The following MYO3B variants were observed in gnomAD, a reference collection of about 807,000 sequenced individuals.
MYO3B encodes myosin-IIIb.
In MYO3B, 156 loss-of-function variants were observed where a neutral mutation model predicts 174.6. The observed-to-expected ratio is 0.89, with a 90% CI of 0.78 to 1.02. The LOEUF (loss-of-function observed/expected upper bound fraction) is 1.02. Ranked by LOEUF, MYO3B falls within the 50% of genes least tolerant of loss-of-function variation. The probability of loss-of-function intolerance (pLI) is 0.00; values close to 1 mark genes in which losing one functional copy is unlikely to be tolerated. For synonymous variants in MYO3B, 563 were observed against 569.1 expected, an observed-to-expected ratio of 0.99 and a Z score of 0.15; for missense variants, 1,632 against 1,639.4, an observed-to-expected ratio of 1.00 and a Z score of 0.08.
intron 7 of MYO3B, among the ~76,000 whole-genome samples, chr2:170,256,226 C>T (rs1285889408): frequency 1.3e-5 from 2 of 152,066 alleles, no homozygotes; most frequent in Admixed American, 6.5e-5. Flanking sequence ...GGATATAGTC[C>T]ACAAAAATTT....
At chr2:170,508,795 A>C (rs985257591) in intron 28 of MYO3B, among the ~76,000 whole-genome samples, 2 of 152,198 alleles carry the variant, frequency 1.3e-5, no homozygotes, top group Non-Finnish European at 2.9e-5. Flanking sequence ...CTATGCTGCC[A>C]TTTGCCATGT....
At chr2:170,393,951 T>G (rs2094430034) in intron 16 of MYO3B, among the ~76,000 whole-genome samples, 1 of 152,136 alleles carries the variant, frequency 6.6e-6, no homozygotes, top group East Asian at 1.9e-4. Context: ...AAATCAAAGA[T>G]GCATCCCCAG....
intron 32 of MYO3B, among the ~76,000 whole-genome samples, chr2:170,594,485 G>A (rs1694015565): frequency 6.6e-6 from 1 of 152,114 alleles, no homozygotes; most frequent in Non-Finnish European, 1.5e-5. Flanking sequence ...CCTATGTTGG[G>A]TAAACACATT....
Position 170,214,720 on chromosome 2 carries a change from G to C in MYO3B, c.427-9G>C, listed in dbSNP as rs201180436. Reference sequence around the variant, plus strand: ...TCCTGTTGTTTGGTGGTGGTGGGATGCCATGCAGGGCCTTCAGCATTTGCA... The same window carrying C: ...TCCTGTTGTTTGGTGGTGGTGGGATCCCATGCAGGGCCTTCAGCATTTGCA... On this transcript the variant is annotated splice_polypyrimidine_tract_variant and intron_variant, in intron 4 of 34. Coordinates refer to ENST00000408978, the MANE Select transcript of MYO3B (RefSeq NM_138995.5). 1.2e-6 allele frequency: 2 copies of C among 1,611,120 alleles called. No individual in the cohort carries two copies. Among genetic ancestry groups the C allele is most frequent in the Non-Finnish European group, 1.7e-6 (2 of 1,177,374 alleles).
intron 30 of MYO3B, among the ~76,000 whole-genome samples, chr2:170,523,485 G>A (rs1276067616): frequency 6.6e-6 from 1 of 152,022 alleles, no homozygotes; most frequent in Non-Finnish European, 1.5e-5. Context: ...GGTTTGGGGT[G>A]GGCAGAGTAA....
intron 25 of MYO3B, among the ~76,000 whole-genome samples, chr2:170,497,481 T>C (rs988855992): frequency 3.3e-5 from 5 of 151,988 alleles, no homozygotes; most frequent in Non-Finnish European, 7.4e-5. Flanking sequence ...CCGGGCACAG[T>C]GGCGGGCGCC....
intron 30 of MYO3B, among the ~76,000 whole-genome samples, chr2:170,539,149 A>G (rs1032731587): frequency 1.3e-5 from 2 of 152,178 alleles, no homozygotes; most frequent in African/African-American, 2.4e-5. Flanking sequence ...TTGATACAGA[A>G]TAGTCACTTT....
chr2:170,358,027 C>T (rs572690819), intron 8 of MYO3B, among the ~76,000 whole-genome samples: 2 of 151,996 alleles, frequency 1.3e-5, no homozygotes, highest in African/African-American at 4.8e-5. Flanking sequence ...TGGGGAGCGC[C>T]TGTAATCCCA....
At chr2:170,306,146 C>T (rs1274234028) in intron 7 of MYO3B, among the ~76,000 whole-genome samples, 4 of 152,174 alleles carry the variant, frequency 2.6e-5, no homozygotes, top group African/African-American at 9.7e-5. Context: ...CTTGTGGTCT[C>T]TTCAGCGGGA....
intron 29 of MYO3B, among the ~76,000 whole-genome samples, chr2:170,518,230 A>T (rs1688445591): frequency 6.6e-6 from 1 of 152,194 alleles, no homozygotes; most frequent in South Asian, 2.1e-4. Context: ...ACTGATTTCT[A>T]TACTTTTTAT....
At chr2:170,188,097 C>T (rs955801278) in intron 1 of MYO3B, among the ~76,000 whole-genome samples, 4 of 152,066 alleles carry the variant, frequency 2.6e-5, no homozygotes, top group Non-Finnish European at 5.9e-5. Context: ...TTATTGGAGC[C>T]TCTCTTTAGC....
chr2:170,259,269 A>C (rs559492980), intron 7 of MYO3B, among the ~76,000 whole-genome samples: 2 of 152,344 alleles, frequency 1.3e-5, no homozygotes, highest in East Asian at 3.9e-4. Flanking sequence ...AATCCTAAGC[A>C]AAAAGAACAC....
At chr2:170,528,903 A>G (rs1447747696) in intron 30 of MYO3B, among the ~76,000 whole-genome samples, 1 of 152,208 alleles carries the variant, frequency 6.6e-6, no homozygotes, top group Non-Finnish European at 1.5e-5. Context: ...CTTGCTGTCA[A>G]CAATGTTGCT....
chr2:170,469,812 A>G (rs145870408), intron 25 of MYO3B, among the ~76,000 whole-genome samples: 1 of 152,128 alleles, frequency 6.6e-6, no homozygotes, highest in Non-Finnish European at 1.5e-5. Context: ...TTTTGAAAGT[A>G]TACAATTCAG....
intron 32 of MYO3B, among the ~76,000 whole-genome samples, chr2:170,616,869 C>G (rs1036519166): frequency 3.3e-5 from 5 of 152,342 alleles, no homozygotes; most frequent in Non-Finnish European, 7.3e-5. Context: ...ATTATCTTCA[C>G]TTCCTTGTAA....
chr2:170,508,293 T>G (rs1310656521), intron 28 of MYO3B, among the ~76,000 whole-genome samples: 1 of 152,180 alleles, frequency 6.6e-6, no homozygotes, highest in Non-Finnish European at 1.5e-5. Context: ...TGAAACAACA[T>G]TATTATGATC....
chr2:170,304,404 T>C (rs923303461), intron 7 of MYO3B, among the ~76,000 whole-genome samples: 1 of 152,022 alleles, frequency 6.6e-6, no homozygotes, highest in Non-Finnish European at 1.5e-5. Flanking sequence ...TCAGGCCATG[T>C]ACACTTCATC....
chr2:170,187,919 G>A (rs895625857), intron 1 of MYO3B, among the ~76,000 whole-genome samples: 1 of 152,202 alleles, frequency 6.6e-6, no homozygotes, highest in African/African-American at 2.4e-5. Context: ...TGATATATGT[G>A]CTGGGGAAAA....
intron 28 of MYO3B, among the ~76,000 whole-genome samples, chr2:170,506,740 T>C (rs1687644190): frequency 6.6e-6 from 1 of 152,216 alleles, no homozygotes; most frequent in Non-Finnish European, 1.5e-5. Flanking sequence ...AGTGTATGCA[T>C]TGAAATGACC....
Sources: allele counts gnomAD v4.1 joint callset (sites outside exome capture counted in the v4.1 genomes callset), GRCh38; gene constraint gnomAD v4.1.1; transcripts MANE v1.5; gene names NCBI Gene and HGNC (gene_info 2026-07-23, HGNC 2026-07-21).